Variants in RYR1 observed in about 807,000 individuals in gnomAD.
RYR1 encodes ryanodine receptor 1.
Under a neutral mutation model 583.5 loss-of-function variants are expected in RYR1, and 342 were observed. The observed-to-expected ratio is 0.59, with a 90% CI of 0.54 to 0.64. The LOEUF (loss-of-function observed/expected upper bound fraction) is 0.64, where lower values mean the gene tolerates loss of function less well. RYR1 is among the 30% of genes least tolerant of loss of function. The pLI, the probability that RYR1 is intolerant of heterozygous loss-of-function variation, is 0.00. For missense variants in RYR1, 6,032 were observed against 6,917.2 expected, an observed-to-expected ratio of 0.87 and a Z score of 4.54; for synonymous variants, 2,791 against 2,822.5, an observed-to-expected ratio of 0.99 and a Z score of 0.35.
chr19:38,582,507 C>T (rs148184839), intron 101 of RYR1, among the ~76,000 whole-genome samples: 2 of 152,022 alleles, frequency 1.3e-5, no homozygotes, highest in Non-Finnish European at 1.5e-5. Context: ...TCACCCAGGC[C>T]GGGCGCAGTG....
At chr19:38,486,268 C>G (rs945982019) in intron 34 of RYR1, 66 bp downstream of exon 34, 4 of 1,595,672 alleles carry the variant, frequency 2.5e-6, no homozygotes, top group Middle Eastern at 1.7e-4. Context: ...TCCAGAGATA[C>G]ATGCATCAAT....
chr19:38,516,103 G>A lies in RYR1; in HGVS notation c.9571G>A (p.Gly3191Arg), dbSNP rs756331568. 1.5e-5 allele frequency: 24 copies of A among 1,549,190 alleles called. No individual in the cohort carries two copies. Among genetic ancestry groups the A allele is most frequent in the South Asian group, 1.1e-4 (9 of 83,992 alleles). The part of the protein sequence containing the change: ...TYVEKLRPAL[G>R]ECLARLAAAM... ...GTCTTCCAGGCTTCGGCCAGCCCTCGGGGAGTGCCTGGCCCGTCTGGCAGC... is the reference window on the plus strand; with the variant it reads ...GTCTTCCAGGCTTCGGCCAGCCCTCAGGGAGTGCCTGGCCCGTCTGGCAGC... The change falls in exon 65 of 106, where the codon GGG (glycine) becomes AGG (arginine). Residue 3191 changes from glycine to arginine, a missense_variant. Gly to Arg is a moderately radical substitution (Grantham distance 125). Transcript: ENST00000359596.
At chr19:38,529,679 A>G (rs867348049) in intron 76 of RYR1, among the ~76,000 whole-genome samples, 4 of 152,218 alleles carry the variant, frequency 2.6e-5, no homozygotes, top group Non-Finnish European at 4.4e-5. Flanking sequence ...CATATGTATG[A>G]CAAATTTCCA....
intron 84 of RYR1, among the ~76,000 whole-genome samples, chr19:38,541,584 C>CTT (rs1972193778): frequency 6.6e-6 from 1 of 152,126 alleles, no homozygotes; most frequent in East Asian, 1.9e-4. Flanking sequence ...GGCGTGGTGG[C>CTT]GCATGCCTGT....
intron 20 of RYR1, among the ~76,000 whole-genome samples, chr19:38,460,858 G>A (rs1291059770): frequency 2.0e-5 from 3 of 152,166 alleles, no homozygotes; most frequent in African/African-American, 2.4e-5. Flanking sequence ...GGTGGCGGGC[G>A]CCTATAATCC....
chr19:38,446,656 A>T, intron 8 of RYR1, 38 bp from the exon 9 acceptor site: 1 of 1,608,164 alleles, frequency 6.2e-7, no homozygotes, highest in East Asian at 2.2e-5. Flanking sequence ...GATTCCGGGG[A>T]GCTGAACCCT....
intron 66 of RYR1, 124 bp from the exon 67 acceptor site, chr19:38,519,090 G>C: frequency 6.6e-7 from 1 of 1,518,258 alleles, no homozygotes; most frequent in Non-Finnish European, 9.1e-7. Flanking sequence ...CAAGGTTAGG[G>C]TCAGGCTGGG....
At position 38,489,968 on chromosome 19, in the gene RYR1, C is replaced by G. The variant is rs1156804425; in HGVS notation, c.5815-108C>G. The G allele has an allele frequency of 1.1e-5, 13 of 1,160,706 alleles. No individual in the cohort carries two copies. In the African/African-American group the frequency reaches 2.0e-4, roughly 18 times the overall value. 71.9% of individuals were successfully genotyped at this position (1,160,706 alleles called of 1,614,324 possible). Reference sequence around the variant, plus strand: ...GGTTCCAGGCGGGAAATGATTTTGGCTGGACCTGGGCAGGGCCATGGAGAG... The same window carrying G: ...GGTTCCAGGCGGGAAATGATTTTGGGTGGACCTGGGCAGGGCCATGGAGAG... On this transcript the variant is annotated intron_variant, in intron 35 of 105. Coordinates refer to ENST00000359596, the MANE Select transcript of RYR1 (RefSeq NM_000540.3).
intron 12 of RYR1, among the ~76,000 whole-genome samples, chr19:38,452,264 C>T (rs1388115414): frequency 6.6e-6 from 1 of 151,752 alleles, no homozygotes; most frequent in Non-Finnish European, 1.5e-5. Context: ...TAGTGAAACC[C>T]TGTCTCTATA....
In RYR1 at chr19:38,514,052, G is replaced by T. The variant is rs548624154; in HGVS notation, c.9473-974G>T. Among the ~76,000 whole-genome samples, 6 of 152,182 alleles carry T rather than the reference G, an allele frequency of 3.9e-5. No homozygotes were observed. In the South Asian group the frequency reaches 1.2e-3, roughly 32 times the overall value. ...TGCATTTGGTGGTTGTGTCTCTGTAGTGTCTTTAAAGTCTAGAATAGCCCC... is the reference window on the plus strand; with the variant it reads ...TGCATTTGGTGGTTGTGTCTCTGTATTGTCTTTAAAGTCTAGAATAGCCCC... On this transcript the variant is annotated intron_variant, in intron 63 of 105. Transcript: ENST00000359596.
At chr19:38,584,321 A>G (rs1974353458) in intron 101 of RYR1, among the ~76,000 whole-genome samples, 1 of 48,592 alleles carries the variant, frequency 2.1e-5, no homozygotes, top group East Asian at 7.3e-4. Context: ...CCCGGCCCTC[A>G]TCCCTCCGTC....
At position 38,491,072 on chromosome 19, in the gene RYR1, T is replaced by C. The variant is rs115592936; in HGVS notation, c.6127+340T>C. On this transcript the variant is annotated intron_variant, in intron 37 of 105. Coordinates refer to ENST00000359596, the MANE Select transcript of RYR1 (RefSeq NM_000540.3). ...CTGGGTGGAGAGATGGCTGGCTGGG[T>C]GGAAGGACAGATGGATGACCTCCAT... Among the ~76,000 whole-genome samples the C allele has an allele frequency of 0.032, 4,898 of 152,226 alleles. 254 individuals are homozygous for C. Among genetic ancestry groups the C allele is most frequent in the African/African-American group, 0.11 (4,634 of 41,524 alleles).
At chr19:38,441,642 G>T (rs1286143962) in intron 2 of RYR1, among the ~76,000 whole-genome samples, 2 of 151,096 alleles carry the variant, frequency 1.3e-5, no homozygotes, top group Non-Finnish European at 2.9e-5. Context: ...TGACTTGGGA[G>T]ACTGGGGGCT....
rs1972863456 is a variant in RYR1 at position 38,444,858 on chromosome 19, C to T, written c.631+181C>T. Among the ~76,000 whole-genome samples, 1 of 151,026 alleles carries T rather than the reference C, an allele frequency of 6.6e-6. No individual in the cohort carries two copies. The highest frequency in any genetic ancestry group is 2.4e-5 in the African/African-American group (1 of 41,058). ...AATCCAGACCCCCAGAGCTCAGAAC[C>T]CCCCCAAACCCCGAACTAAATATCA... On this transcript the variant is annotated intron_variant, in intron 7 of 105. Transcript: ENST00000359596. This position sits in a 1 kb window ranked among gnomAD's most constrained non-coding sequence, Gnocchi z 5.1.
At position 38,504,850 on chromosome 19, in the gene RYR1, G is replaced by A; in HGVS notation, c.8170G>A (p.Glu2724Lys). The stretch of plus-strand genomic sequence containing the variant: ...GGATGCCTCATACTCATCTAAGGCA[G>A]AGAAAAAGGCCACAGTGGATGCTGA... ...YVDASYSSKA[E>K]KKATVDAEGN... is the part of the protein sequence containing the mutation. The change falls in exon 51 of 106, where the codon GAG (glutamate) becomes AAG (lysine). Residue 2724 changes from glutamate (E) to lysine (K), a missense_variant. Glu to Lys is a moderately conservative substitution (Grantham distance 56). Coordinates refer to ENST00000359596, the MANE Select transcript of RYR1 (RefSeq NM_000540.3). 6.2e-7 allele frequency: 1 copy of A among 1,614,168 alleles called. No individual in the cohort carries two copies. Among genetic ancestry groups the A allele is most frequent in the Non-Finnish European group, 8.5e-7 (1 of 1,180,012 alleles).
chr19:38,460,403 G>A lies in RYR1; in HGVS notation c.2389G>A (p.Gly797Ser), dbSNP rs1437573019. Residue 797 changes from glycine to serine, a missense_variant, in exon 20 of 106, where the codon GGT becomes AGT. Gly to Ser is a moderately conservative substitution (Grantham distance 56). Transcript: ENST00000359596. ...GCGGTTCCTCCTTGGTGGCCGCCAT[G>A]GTGAATTCAAGTTCCTGCCCCCACC... Reference protein sequence around the residue: ...KVRFLLGGRHGEFKFLPPPGY... With the variant: ...KVRFLLGGRHSEFKFLPPPGY... 1 of 1,614,058 alleles carries A rather than the reference G, an allele frequency of 6.2e-7. No individual in the cohort carries two copies. Among genetic ancestry groups the A allele is most frequent in the Admixed American group, 1.7e-5 (1 of 59,982 alleles).
chr19:38,585,384 A>G (rs1327961263), intron 102 of RYR1, among the ~76,000 whole-genome samples: 1 of 147,134 alleles, frequency 6.8e-6, no homozygotes, highest in Non-Finnish European at 1.5e-5. Context: ...ATATATATAT[A>G]TATGTTTATT....
intron 105 of RYR1, 32 bp from the exon 106 acceptor site, chr19:38,587,293 G>A (rs1454810729): frequency 7.0e-7 from 1 of 1,431,630 alleles, no homozygotes; most frequent in African/African-American, 1.4e-5. Flanking sequence ...TTGAAGATGT[G>A]ACCAATGAAC....
chr19:38,470,695 G>A (rs1968377431), intron 27 of RYR1, among the ~76,000 whole-genome samples: 1 of 149,908 alleles, frequency 6.7e-6, no homozygotes, highest in African/African-American at 2.5e-5. Context: ...GTAAGCTGAG[G>A]TTGCACCACT....
Sources: gnomAD v4.1 joint callset for allele counts (sites outside exome capture counted in the v4.1 genomes callset) on GRCh38, gnomAD v4.1.1 for gene constraint, Gnocchi (gnomAD v3.1) non-coding constraint, MANE v1.5 for transcripts, NCBI Gene and HGNC (gene_info 2026-07-23, HGNC 2026-07-21) for gene names.